TRIM44: variants seen among roughly 807,000 people sequenced by gnomAD.
TRIM44 encodes tripartite motif-containing protein 44.
In TRIM44, 13 loss-of-function variants were observed where a neutral mutation model predicts 37.4. The ratio of observed to expected loss-of-function variants is 0.35; its 90% CI spans 0.23 to 0.55. The LOEUF is 0.55. Ranked by LOEUF, TRIM44 falls within the 20% of genes least tolerant of loss-of-function variation. TRIM44 has a pLI of 0.89. For synonymous variants in TRIM44, 175 were observed against 157.2 expected (o/e 1.11, Z -0.85); for missense variants, 426 against 437.2 (o/e 0.97, Z 0.23).
At chr11:35,762,715 A>C (rs1189484014) in intron 4 of TRIM44, among the ~76,000 whole-genome samples, 1 of 152,178 alleles carries the variant, frequency 6.6e-6, no homozygotes, top group Non-Finnish European at 1.5e-5. Context: ...AGTGTGATGC[A>C]ATGGTTAAAG....
At chr11:35,671,462 T>C (rs1358318068) in intron 1 of TRIM44, among the ~76,000 whole-genome samples, 1 of 152,236 alleles carries the variant, frequency 6.6e-6, no homozygotes, top group Non-Finnish European at 1.5e-5. Context: ...AAATGTTAGC[T>C]CTTCTTTTTA....
chr11:35,676,296 C>G (rs1443253383), intron 1 of TRIM44, among the ~76,000 whole-genome samples: 2 of 152,200 alleles, frequency 1.3e-5, no homozygotes, highest in East Asian at 3.9e-4. Context: ...ATCTAAGGTT[C>G]TATTCTGAGT....
chr11:35,790,548 A>G (rs1050500564), intron 4 of TRIM44, among the ~76,000 whole-genome samples: 3 of 151,888 alleles, frequency 2.0e-5, no homozygotes, highest in Non-Finnish European at 4.4e-5. Flanking sequence ...CTTCAGCTCT[A>G]TTTGATGTTT....
intron 2 of TRIM44, among the ~76,000 whole-genome samples, chr11:35,724,947 G>T (rs942374994): frequency 6.6e-6 from 1 of 152,004 alleles, no homozygotes; most frequent in African/African-American, 2.4e-5. Context: ...ACTCATATGC[G>T]TATATTAAGA....
At chr11:35,721,179 C>G (rs1487731015) in intron 2 of TRIM44, among the ~76,000 whole-genome samples, 2 of 152,210 alleles carry the variant, frequency 1.3e-5, no homozygotes, top group Non-Finnish European at 2.9e-5. Context: ...GCCGGTATTA[C>G]AGGCATGAGC....
intron 4 of TRIM44, among the ~76,000 whole-genome samples, chr11:35,782,372 C>T (rs1327840242): frequency 4.6e-5 from 7 of 152,124 alleles, no homozygotes; most frequent in Non-Finnish European, 7.4e-5. Flanking sequence ...AGAGTACTTA[C>T]TCATTGTATT....
At position 35,663,351 on chromosome 11, in the gene TRIM44, A is replaced by G. The variant is rs1481903460; in HGVS notation, c.240A>G (p.Glu80=). Residue 80 remains glutamate (E), a synonymous_variant, in exon 1 of 5, where the codon GAA becomes GAG. Transcript: ENST00000299413. ...PADGEGAGKE[E]AEVKVEQERE... ...ACGGAGAGGGGGCGGGGAAGGAAGA[A>G]GCGGAGGTCAAGGTGGAGCAGGAGA... 6.2e-7 allele frequency: 1 copy of G among 1,613,872 alleles called. No homozygotes were observed.
intron 3 of TRIM44, among the ~76,000 whole-genome samples, chr11:35,734,000 C>T (rs1028311920): frequency 1.3e-5 from 2 of 152,140 alleles, no homozygotes; most frequent in African/African-American, 4.8e-5. Flanking sequence ...AAGCTTTTCC[C>T]ACCTTCTCCA....
chr11:35,712,113 G>A (rs533053247), intron 2 of TRIM44, among the ~76,000 whole-genome samples: 4 of 152,140 alleles, frequency 2.6e-5, no homozygotes, highest in Non-Finnish European at 5.9e-5. Flanking sequence ...AACTTGCCTG[G>A]CTGCAGAGTA....
At chr11:35,682,642 G>A (rs1488137150) in intron 1 of TRIM44, among the ~76,000 whole-genome samples, 2 of 152,190 alleles carry the variant, frequency 1.3e-5, no homozygotes, top group Non-Finnish European at 2.9e-5. Flanking sequence ...TGGGGAGGTG[G>A]AACAGGTGAG....
intron 4 of TRIM44, among the ~76,000 whole-genome samples, chr11:35,804,691 G>A (rs59488631): frequency 0.013 from 1,974 of 152,254 alleles, 44 homozygotes; most frequent in African/African-American, 0.045. Flanking sequence ...TGGGACAGAT[G>A]CCATTAAATA....
At chr11:35,696,363 C>T (rs560986893) in intron 2 of TRIM44, among the ~76,000 whole-genome samples, 259 of 151,264 alleles carry the variant, frequency 1.7e-3, no homozygotes, top group Middle Eastern at 6.9e-3. Context: ...AGGATGGTCT[C>T]GATCTCCTGA....
chr11:35,711,439 G>A (rs115947151), intron 2 of TRIM44, among the ~76,000 whole-genome samples: 1,626 of 150,604 alleles, frequency 0.011, 34 homozygotes, highest in African/African-American at 0.037. Flanking sequence ...GCAAATCTGT[G>A]CTTAATCTCT....
At chr11:35,711,412 A>G (rs1295851535) in intron 2 of TRIM44, among the ~76,000 whole-genome samples, 3 of 151,846 alleles carry the variant, frequency 2.0e-5, no homozygotes, top group South Asian at 4.2e-4. Context: ...TATCAGCTCA[A>G]TGCTATCTGA....
intron 2 of TRIM44, among the ~76,000 whole-genome samples, chr11:35,707,242 C>T (rs1489709643): frequency 6.6e-6 from 1 of 152,094 alleles, no homozygotes; most frequent in African/African-American, 2.4e-5. Flanking sequence ...AACTACAAAC[C>T]ACTGCTCAAT....
At chr11:35,803,797 C>G (rs1853402204) in intron 4 of TRIM44, among the ~76,000 whole-genome samples, 1 of 152,084 alleles carries the variant, frequency 6.6e-6, no homozygotes, top group African/African-American at 2.4e-5. Context: ...CAAAGTGAAG[C>G]AAGAACATTC....
At chr11:35,665,977 T>C (rs1851328031) in intron 1 of TRIM44, among the ~76,000 whole-genome samples, 1 of 152,188 alleles carries the variant, frequency 6.6e-6, no homozygotes, top group Non-Finnish European at 1.5e-5. Context: ...AAGTTGTGCC[T>C]TGAATAGAAG....
intron 4 of TRIM44, among the ~76,000 whole-genome samples, chr11:35,787,599 C>T (rs1231074693): frequency 6.6e-6 from 1 of 152,104 alleles, no homozygotes; most frequent in African/African-American, 2.4e-5. Flanking sequence ...CTTCCTTTTA[C>T]AAATCTTCTT....
chr11:35,721,763 A>C (rs1013630345), intron 2 of TRIM44, among the ~76,000 whole-genome samples: 1 of 152,230 alleles, frequency 6.6e-6, no homozygotes, highest in Non-Finnish European at 1.5e-5. Context: ...AATGCTGTTC[A>C]GAGTTTATGT....
Sources: allele counts gnomAD v4.1 joint callset (sites outside exome capture counted in the v4.1 genomes callset), GRCh38; gene constraint gnomAD v4.1.1; transcripts MANE v1.5; gene names NCBI Gene and HGNC (gene_info 2026-07-23, HGNC 2026-07-21).